Variants in GPC6 observed in about 807,000 individuals in gnomAD.
The protein encoded by GPC6 is glypican 6, also known as glypican-6.
In GPC6, 14 loss-of-function variants were observed where a neutral mutation model predicts 55.2. The ratio of observed to expected loss-of-function variants is 0.25; its 90% confidence interval spans 0.17 to 0.40. The LOEUF is 0.40. Ranked by LOEUF, GPC6 falls within the 10% of genes least tolerant of loss-of-function variation. The pLI, the probability that GPC6 is intolerant of heterozygous loss-of-function variation, is 1.00. For missense variants in GPC6, 641 were observed against 708.5 expected (o/e 0.90, Z 1.08); for synonymous variants, 278 against 259.6 (o/e 1.07, Z -0.68).
intron 2 of GPC6, among the ~76,000 whole-genome samples, chr13:93,783,781 C>T (rs925691454): frequency 1.3e-5 from 2 of 152,182 alleles, no homozygotes; most frequent in Non-Finnish European, 2.9e-5. Context: ...TCTCTCCCAA[C>T]CTACTGAACA....
intron 2 of GPC6, among the ~76,000 whole-genome samples, chr13:93,640,344 T>C (rs1287667153): frequency 2.0e-5 from 3 of 152,096 alleles, no homozygotes. Context: ...ATATGCCAAG[T>C]ACATTATCTA....
intron 1 of GPC6, among the ~76,000 whole-genome samples, chr13:93,269,930 TGATATGAGTAAGTTTAAAAGA>T (rs558065125): frequency 0.012 from 1,682 of 143,990 alleles, 13 homozygotes; most frequent in Non-Finnish European, 0.019. Context: ...ATGTGTGGTA[TGATATGAGTAAGTTTAAAAGA>T]GATATGAGTA....
At chr13:93,720,569 G>T (rs939529395) in intron 2 of GPC6, among the ~76,000 whole-genome samples, 1 of 151,846 alleles carries the variant, frequency 6.6e-6, no homozygotes, top group African/African-American at 2.4e-5. Context: ...ATCTCCTTCA[G>T]TTCTTCTCTG....
At chr13:93,745,898 G>A (rs1415792192) in intron 2 of GPC6, among the ~76,000 whole-genome samples, 1 of 152,224 alleles carries the variant, frequency 6.6e-6, no homozygotes, top group South Asian at 2.1e-4. Flanking sequence ...CATCACATGT[G>A]AGTTAGGACT....
intron 1 of GPC6, among the ~76,000 whole-genome samples, chr13:93,387,055 G>A (rs1875434573): frequency 6.6e-6 from 1 of 151,758 alleles, no homozygotes; most frequent in African/African-American, 2.4e-5. Context: ...GTCATATCCT[G>A]TGGTTTCAGG....
chr13:93,975,049 C>G (rs935912752), intron 3 of GPC6, among the ~76,000 whole-genome samples: 1 of 152,104 alleles, frequency 6.6e-6, no homozygotes, highest in Non-Finnish European at 1.5e-5. Flanking sequence ...CCAGCAGCTT[C>G]AGCATTGCCT....
intron 2 of GPC6, among the ~76,000 whole-genome samples, chr13:93,707,385 A>G (rs1017394413): frequency 1.3e-5 from 2 of 151,828 alleles, no homozygotes; most frequent in African/African-American, 2.4e-5. Flanking sequence ...AATTTTAAAC[A>G]TGTTTTTTTT....
chr13:94,359,328 T>C (rs1594203943), intron 6 of GPC6, among the ~76,000 whole-genome samples: 2 of 152,332 alleles, frequency 1.3e-5, no homozygotes, highest in Admixed American at 6.5e-5. Flanking sequence ...ATAAAGAGCA[T>C]GAAGCATATT....
intron 3 of GPC6, among the ~76,000 whole-genome samples, chr13:94,021,355 G>A (rs994952725): frequency 5.3e-5 from 8 of 151,492 alleles, no homozygotes; most frequent in East Asian, 1.9e-4. Flanking sequence ...GCTACTATTA[G>A]GAATAGCTAA....
intron 5 of GPC6, among the ~76,000 whole-genome samples, chr13:94,301,795 G>C (rs1875663400): frequency 6.6e-6 from 1 of 152,180 alleles, no homozygotes; most frequent in Non-Finnish European, 1.5e-5. Flanking sequence ...CCATCTTTAA[G>C]CTGATGATCC....
At chr13:94,302,420 G>A (rs1364015805) in intron 5 of GPC6, among the ~76,000 whole-genome samples, 1 of 152,030 alleles carries the variant, frequency 6.6e-6, no homozygotes, top group East Asian at 1.9e-4. Flanking sequence ...ACCTCCCAAA[G>A]GACCTACCTC....
At chr13:94,182,203 T>A (rs1370848838) in intron 4 of GPC6, among the ~76,000 whole-genome samples, 1 of 144,952 alleles carries the variant, frequency 6.9e-6, no homozygotes, top group Non-Finnish European at 1.5e-5. Flanking sequence ...GGTCTCAGAT[T>A]TTTTTTTTTT....
chr13:93,650,533 A>G (rs1880364847), intron 2 of GPC6, among the ~76,000 whole-genome samples: 2 of 152,122 alleles, frequency 1.3e-5, no homozygotes, highest in South Asian at 4.1e-4. Flanking sequence ...CACTGGGAAC[A>G]CAGAGATGAA....
At chr13:93,313,766 A>G (rs1350892203) in intron 1 of GPC6, among the ~76,000 whole-genome samples, 1 of 152,096 alleles carries the variant, frequency 6.6e-6, no homozygotes, top group Non-Finnish European at 1.5e-5. Context: ...TTCTGGGCTC[A>G]AACAATCCTC....
At chr13:93,425,244 A>G (rs1877081285) in intron 1 of GPC6, among the ~76,000 whole-genome samples, 1 of 152,120 alleles carries the variant, frequency 6.6e-6, no homozygotes. Context: ...TCGGCTGGGT[A>G]CTGGCCACTT....
chr13:93,480,591 G>T (rs958393503), intron 1 of GPC6, among the ~76,000 whole-genome samples: 1 of 152,030 alleles, frequency 6.6e-6, no homozygotes, highest in Admixed American at 6.6e-5. Flanking sequence ...CACCACTCTC[G>T]ATTTCTTGAA....
intron 1 of GPC6, among the ~76,000 whole-genome samples, chr13:93,332,970 A>T (rs553363680): frequency 1.3e-5 from 2 of 152,272 alleles, no homozygotes; most frequent in Admixed American, 1.3e-4. Flanking sequence ...TGTTACCTCA[A>T]TGTATTTTCT....
intron 3 of GPC6, among the ~76,000 whole-genome samples, chr13:93,909,344 C>A (rs1015480308): frequency 6.6e-6 from 1 of 151,780 alleles, no homozygotes; most frequent in Admixed American, 6.6e-5. Context: ...ATATCATTTT[C>A]GTGAAATATT....
chr13:94,239,452 T>A (rs1053975991), intron 4 of GPC6, among the ~76,000 whole-genome samples: 3 of 152,130 alleles, frequency 2.0e-5, no homozygotes, highest in African/African-American at 4.8e-5. Flanking sequence ...TTGTTAAGAA[T>A]AATCAAGTCA....
Sources: allele counts gnomAD v4.1 joint callset (sites outside exome capture counted in the v4.1 genomes callset), GRCh38; gene constraint gnomAD v4.1.1; transcripts MANE v1.5; gene names NCBI Gene and HGNC (gene_info 2026-07-23, HGNC 2026-07-21).